Variants in TAFA2 observed in about 807,000 individuals in gnomAD.
TAFA2 encodes chemokine-like protein TAFA-2.
Under a neutral mutation model 18.8 loss-of-function variants are expected in TAFA2, and 7 were observed. That is an observed-to-expected ratio of 0.37 (90% CI 0.21 to 0.70). The LOEUF (loss-of-function observed/expected upper bound fraction) is 0.70. TAFA2 is among the 30% of genes least tolerant of loss of function. The probability of loss-of-function intolerance (pLI) is 0.53; values close to 1 mark genes in which losing one functional copy is unlikely to be tolerated. For synonymous variants in TAFA2, 60 were observed against 54.2 expected (o/e 1.11, Z -0.47); for missense variants, 122 against 158.1 (o/e 0.77, Z 1.23).
At chr12:61,843,163 G>A (rs1156938175) in intron 2 of TAFA2, among the ~76,000 whole-genome samples, 1 of 151,964 alleles carries the variant, frequency 6.6e-6, no homozygotes, top group Non-Finnish European at 1.5e-5. Flanking sequence ...AAAGCATATG[G>A]GGAAAAAGAG....
intron 2 of TAFA2, among the ~76,000 whole-genome samples, chr12:61,775,704 T>G (rs1290523410): frequency 1.3e-5 from 2 of 151,800 alleles, no homozygotes; most frequent in African/African-American, 4.8e-5. Context: ...ACTATAATAG[T>G]GGATACATGT....
chr12:61,849,820 T>C (rs1439850544), intron 2 of TAFA2, among the ~76,000 whole-genome samples: 1 of 152,196 alleles, frequency 6.6e-6, no homozygotes, highest in Non-Finnish European at 1.5e-5. Context: ...AATTATAAGA[T>C]ATACAAAATA....
At chr12:62,182,886 A>G (rs1302983640) in intron 1 of TAFA2, among the ~76,000 whole-genome samples, 1 of 152,242 alleles carries the variant, frequency 6.6e-6, no homozygotes, top group Non-Finnish European at 1.5e-5. Flanking sequence ...AATGACTAAG[A>G]AGAAAACATA....
chr12:62,190,952 T>C (rs1592393140), intron 1 of TAFA2, among the ~76,000 whole-genome samples: 1 of 151,590 alleles, frequency 6.6e-6, no homozygotes, highest in African/African-American at 2.4e-5. Context: ...GGTCGTTTGC[T>C]GTTATTAGGA....
At chr12:62,189,958 G>GTGTGTGTGTA (rs1391722862) in intron 1 of TAFA2, among the ~76,000 whole-genome samples, 1 of 151,694 alleles carries the variant, frequency 6.6e-6, no homozygotes, top group Non-Finnish European at 1.5e-5. Flanking sequence ...GTGTGTGTGT[G>GTGTGTGTGTA]TGTGTGTGTG....
intron 1 of TAFA2, among the ~76,000 whole-genome samples, chr12:62,019,163 A>T (rs923379389): frequency 6.6e-6 from 1 of 152,186 alleles, no homozygotes; most frequent in Non-Finnish European, 1.5e-5. Context: ...ATCATTAAAA[A>T]GTCAGGAAAC....
At chr12:61,883,934 T>A (rs1565668524) in intron 1 of TAFA2, among the ~76,000 whole-genome samples, 1 of 152,160 alleles carries the variant, frequency 6.6e-6, no homozygotes, top group East Asian at 1.9e-4. Flanking sequence ...GATTGTTGCA[T>A]TAGATAACAT....
intron 1 of TAFA2, among the ~76,000 whole-genome samples, chr12:62,110,092 C>A (rs1869652941): frequency 1.3e-5 from 2 of 152,144 alleles, no homozygotes; most frequent in Non-Finnish European, 2.9e-5. Context: ...TTTGCCCATT[C>A]AGTATGATAT....
At chr12:62,189,812 G>A (rs1214885489) in intron 1 of TAFA2, among the ~76,000 whole-genome samples, 8 of 152,124 alleles carry the variant, frequency 5.3e-5, no homozygotes, top group Admixed American at 3.9e-4. Flanking sequence ...TAGTTGAGAA[G>A]ACAAGAATCA....
At position 62,059,143 on chromosome 12, in the gene TAFA2, G is replaced by A. The variant is rs1251877896; in HGVS notation, c.-2+132116C>T. Among the ~76,000 whole-genome samples the A allele has an allele frequency of 5.8e-4, 86 of 147,948 alleles. 2 individuals are homozygous for A. Among genetic ancestry groups the A allele is most frequent in the African/African-American group, 2.1e-3 (84 of 40,350 alleles). On this transcript the variant is annotated intron_variant, in intron 1 of 4. Transcript: ENST00000416284. The stretch of plus-strand genomic sequence containing the variant: ...AATATATATATATGTGTGTATATGT[G>A]TGTGTGTGTGTGTGTGTGTGTGTGT...
chr12:61,838,344 C>T (rs1470964084), intron 2 of TAFA2, among the ~76,000 whole-genome samples: 1 of 151,940 alleles, frequency 6.6e-6, no homozygotes, highest in Admixed American at 6.6e-5. Flanking sequence ...CCAATAAATC[C>T]CGCTTTTCCC....
At chr12:61,869,071 G>A (rs1301904700) in intron 1 of TAFA2, among the ~76,000 whole-genome samples, 4 of 152,158 alleles carry the variant, frequency 2.6e-5, no homozygotes, top group African/African-American at 9.6e-5. Flanking sequence ...TGATCCTTAA[G>A]TGTTTGGGAG....
intron 2 of TAFA2, among the ~76,000 whole-genome samples, chr12:61,866,458 C>T (rs1437128258): frequency 6.6e-6 from 1 of 152,058 alleles, no homozygotes; most frequent in Non-Finnish European, 1.5e-5. Context: ...TTATAGTGGG[C>T]AGAGAACTAA....
intron 4 of TAFA2, among the ~76,000 whole-genome samples, chr12:61,730,626 C>A (rs184616409): frequency 5.9e-5 from 9 of 151,912 alleles, no homozygotes; most frequent in African/African-American, 2.2e-4. Context: ...TCAGGCCAAT[C>A]GATTCATGTT....
In TAFA2 at chr12:61,898,201, C is replaced by T. The variant is rs545375626; in HGVS notation, c.-1-30775G>A. 2.0e-4 allele frequency among the ~76,000 whole-genome samples: 30 copies of T among 152,366 alleles called. 1 individual carries two copies. In the East Asian group the frequency reaches 5.4e-3, roughly 27 times the overall value. On this transcript the variant is annotated intron_variant, in intron 1 of 4. Transcript: ENST00000416284. ...AGGGTACAGCCCCACCCAACCACCA[C>T]CCCCAGCTGCTTTCACAGCTGGTGT...
At position 61,955,635 on chromosome 12, in the gene TAFA2, ATATATATATATATATATATATAT is replaced by A. The variant is rs1878660772; in HGVS notation, c.-1-88232_-1-88210del. On this transcript the variant is annotated intron_variant, in intron 1 of 4. Transcript: ENST00000416284. The stretch of plus-strand genomic sequence containing the variant: ...AAAAAAAAAAAAAAAAAAAAAAAAT[ATATATATATATATATATATATAT>A]ATATATATATATTTAATTTTAAAAA... 7.2e-4 allele frequency among the ~76,000 whole-genome samples: 9 copies of A among 12,472 alleles called. 1 individual carries two copies. The highest frequency in any genetic ancestry group is 1.6e-3 in the Admixed American group (1 of 642). The allele number at this position is 12,472 out of a possible 152,430, so 8.2% of individuals were successfully genotyped here.
chr12:62,147,314 GTGTGTATGTATGTATATA>G (rs1477074121), intron 1 of TAFA2, among the ~76,000 whole-genome samples: 2 of 28,222 alleles, frequency 7.1e-5, no homozygotes, highest in Non-Finnish European at 1.5e-4. Flanking sequence ...ATGTGTGTGT[GTGTGTATGTATGTATATA>G]TATATATATA....
chr12:62,088,932 G>T (rs916312617), intron 1 of TAFA2, among the ~76,000 whole-genome samples: 1 of 151,200 alleles, frequency 6.6e-6, no homozygotes, highest in Admixed American at 6.6e-5. Context: ...GTGTGTGCAC[G>T]CGCGCGCACG....
At chr12:62,059,481 A>G (rs1021956219) in intron 1 of TAFA2, among the ~76,000 whole-genome samples, 4 of 152,110 alleles carry the variant, frequency 2.6e-5, no homozygotes, top group Non-Finnish European at 5.9e-5. Flanking sequence ...GTCACCAGGT[A>G]ACAACTACTG....
Sources: allele counts gnomAD v4.1 joint callset (sites outside exome capture counted in the v4.1 genomes callset), GRCh38; gene constraint gnomAD v4.1.1; transcripts MANE v1.5; gene names NCBI Gene and HGNC (gene_info 2026-07-23, HGNC 2026-07-21).